The following LRRC7 variants were observed in gnomAD, a reference collection of about 807,000 sequenced individuals.
LRRC7 encodes leucine-rich repeat-containing protein 7.
Under a neutral mutation model 175.7 loss-of-function variants are expected in LRRC7, and 23 were observed. The ratio of observed to expected loss-of-function variants is 0.13; its 90% CI spans 0.09 to 0.19. The LOEUF is 0.19. Among genes scored for constraint, LRRC7 ranks in the 10% least tolerant of loss-of-function variants. The pLI, the probability that LRRC7 is intolerant of heterozygous loss-of-function variation, is 1.00. For missense variants in LRRC7, 1,354 were observed against 1,904.7 expected (o/e 0.71, Z 5.38); for synonymous variants, 685 against 680.9 (o/e 1.01, Z -0.09).
At chr1:69,907,449 T>C (rs1024713164) in intron 7 of LRRC7, among the ~76,000 whole-genome samples, 1 of 152,174 alleles carries the variant, frequency 6.6e-6, no homozygotes, top group Non-Finnish European at 1.5e-5. Context: ...ATACCTAATT[T>C]ATTGAGAGTT....
intron 25 of LRRC7, among the ~76,000 whole-genome samples, chr1:70,100,583 T>C (rs1664740112): frequency 6.6e-6 from 1 of 152,150 alleles, no homozygotes; most frequent in Non-Finnish European, 1.5e-5. Flanking sequence ...TAATATTTAC[T>C]TTTTTAAAAA....
At chr1:69,866,103 T>C (rs972505332) in intron 7 of LRRC7, among the ~76,000 whole-genome samples, 1 of 152,222 alleles carries the variant, frequency 6.6e-6, no homozygotes, top group Non-Finnish European at 1.5e-5. Flanking sequence ...TAGTATATTA[T>C]TATTTCTAAC....
intron 7 of LRRC7, among the ~76,000 whole-genome samples, chr1:69,928,810 C>G (rs1033195814): frequency 1.3e-5 from 2 of 152,170 alleles, no homozygotes; most frequent in Admixed American, 1.3e-4. Flanking sequence ...GTGCGCTGCG[C>G]CCACTGTCCT....
chr1:69,718,126 A>AGAGAGAG (rs1222860817), intron 2 of LRRC7, among the ~76,000 whole-genome samples: 7 of 32,264 alleles, frequency 2.2e-4, no homozygotes, highest in Admixed American at 5.9e-4. Context: ...AGAAAGAAAG[A>AGAGAGAG]AAAGAAAGAA....
rs544546011 is a variant in LRRC7, at chr1:69,986,253, G to C, written c.798G>C (p.Lys266Asn). The C allele has an allele frequency of 6.2e-7, 1 of 1,613,132 alleles. No individual in the cohort carries two copies. The highest frequency in any genetic ancestry group is 1.1e-5 in the South Asian group (1 of 91,020). Residue 266 changes from lysine to asparagine, a missense_variant, in exon 10 of 27, where the codon AAG becomes AAC. Lys to Asn is a moderately conservative substitution (Grantham distance 94, BLOSUM62 0). Transcript: ENST00000651989. ...GCAATGTCATCAAGTCTATAGGGAA[G>C]TTAAAGATGTTGGTATACCTGGATA... ...ALQVLPGSIGKLKMLVYLDMS... is the reference protein window; with the variant it reads ...ALQVLPGSIGNLKMLVYLDMS...
In LRRC7 at chr1:70,130,975, A is replaced by G. The variant is rs983755515; in HGVS notation, c.*9088A>G. Among the ~76,000 whole-genome samples, 2 of 152,210 alleles carry G rather than the reference A, an allele frequency of 1.3e-5. No individual in the cohort carries two copies. Among genetic ancestry groups the G allele is most frequent in the African/African-American group, 4.8e-5 (2 of 41,448 alleles). ...CACAGTTGAGCATGACAATGTTTAC[A>G]CACTGCATTTTGGCATCATTTCATG... On this transcript the variant is annotated 3_prime_UTR_variant, in exon 27 of 27. Coordinates refer to ENST00000651989, the MANE Select transcript of LRRC7 (RefSeq NM_001370785.2).
At chr1:70,061,049 C>T (rs1661539202) in intron 23 of LRRC7, among the ~76,000 whole-genome samples, 1 of 152,002 alleles carries the variant, frequency 6.6e-6, no homozygotes, top group Non-Finnish European at 1.5e-5. Context: ...TTTCCTGGTT[C>T]TCTTTCCCAA....
intron 4 of LRRC7, 43 bp downstream of exon 4, chr1:69,792,203 C>A: frequency 9.0e-7 from 1 of 1,110,850 alleles, no homozygotes; most frequent in Non-Finnish European, 1.3e-6. Context: ...AATTTTTTAA[C>A]TGAAAATGTG....
intron 1 of LRRC7, among the ~76,000 whole-genome samples, chr1:69,644,021 T>G (rs938904465): frequency 5.9e-5 from 9 of 152,180 alleles, no homozygotes; most frequent in Non-Finnish European, 1.2e-4. Flanking sequence ...ATGCAGTTAA[T>G]GCAATGCTTG....
Position 69,678,868 on chromosome 1 carries a change from G to A in LRRC7, c.100+390G>A, listed in dbSNP as rs577800946. Reference sequence around the variant, plus strand: ...TTTCCAGTTTCCATTTAGCCACAGGGCTCTTTTAACATTTTTTTTAACTGA... The same window carrying A: ...TTTCCAGTTTCCATTTAGCCACAGGACTCTTTTAACATTTTTTTTAACTGA... On this transcript the variant is annotated intron_variant, in intron 2 of 26. Coordinates refer to ENST00000651989, the MANE Select transcript of LRRC7 (RefSeq NM_001370785.2). Among the ~76,000 whole-genome samples the A allele has an allele frequency of 2.0e-5, 3 of 152,114 alleles. No homozygotes were observed. In the South Asian group the frequency reaches 6.2e-4, roughly 31 times the overall value.
rs143267672 is a variant in LRRC7, at chr1:69,967,887, A to C, written c.712-12492A>C. 3.4e-4 allele frequency among the ~76,000 whole-genome samples: 52 copies of C among 152,266 alleles called. No individual in the cohort carries two copies. The East Asian group carries it at 9.7e-3, about 28-fold the overall frequency. ...AAACCAACTCTGGTAATATGGCAAA[A>C]CAAGGTTTTTTAACACCCCCAAAAA... On this transcript the variant is annotated intron_variant, in intron 8 of 26. Coordinates refer to ENST00000651989, the MANE Select transcript of LRRC7 (RefSeq NM_001370785.2).
intron 2 of LRRC7, among the ~76,000 whole-genome samples, chr1:69,738,350 T>G (rs1164310134): frequency 6.6e-6 from 1 of 152,080 alleles, no homozygotes; most frequent in African/African-American, 2.4e-5. Context: ...ATCATCCTGT[T>G]TACCTGCGCC....
chr1:69,881,822 G>A (rs1424926573), intron 7 of LRRC7, among the ~76,000 whole-genome samples: 5 of 151,058 alleles, frequency 3.3e-5, no homozygotes, highest in Middle Eastern at 3.4e-3. Flanking sequence ...CAAGACTGCA[G>A]TGAGCCATGA....
At chr1:69,572,149 A>G (rs1645764134) in intron 1 of LRRC7, among the ~76,000 whole-genome samples, 1 of 152,116 alleles carries the variant, frequency 6.6e-6, no homozygotes, top group African/African-American at 2.4e-5. Flanking sequence ...TTTTATTGCC[A>G]CGGAAAGATA....
At chr1:70,000,272 T>A (rs1242538381) in intron 11 of LRRC7, among the ~76,000 whole-genome samples, 3 of 152,210 alleles carry the variant, frequency 2.0e-5, no homozygotes, top group Non-Finnish European at 2.9e-5. Context: ...ATTATAATAC[T>A]GTATTTTTAC....
At chr1:69,717,830 G>GAAA (rs1321787841) in intron 2 of LRRC7, among the ~76,000 whole-genome samples, 21 of 28,340 alleles carry the variant, frequency 7.4e-4, no homozygotes, top group East Asian at 6.0e-3. Flanking sequence ...AAGAAAGAAA[G>GAAA]AAAGAAAGAA....
chr1:69,787,963 G>A (rs1674678765), intron 3 of LRRC7, among the ~76,000 whole-genome samples: 1 of 150,816 alleles, frequency 6.6e-6, no homozygotes, highest in African/African-American at 2.4e-5. Flanking sequence ...CATCCCTCCT[G>A]CCTGCCTTCC....
chr1:69,940,896 C>T (rs1399026436), intron 8 of LRRC7, among the ~76,000 whole-genome samples: 2 of 151,876 alleles, frequency 1.3e-5, no homozygotes, highest in African/African-American at 4.8e-5. Context: ...GGTTTCACAA[C>T]AAACCAAAAC....
In LRRC7 at chr1:69,717,861, A is replaced by AG. The variant is rs1557641630; in HGVS notation, c.100+39384dup. On this transcript the variant is annotated intron_variant, in intron 2 of 26. Transcript: ENST00000651989. ...AAGAAAAAAGAAAGAAAGGAAAGAA[A>AG]GAAAGAAAGAAAGAAAGAGAGAAAA... is the stretch of plus-strand genomic sequence containing the variant. Among the ~76,000 whole-genome samples the AG allele has an allele frequency of 2.6e-4, 34 of 129,080 alleles. 3 individuals carry two copies. The highest frequency in any genetic ancestry group is 9.4e-4 in the African/African-American group (32 of 34,158). 84.7% of individuals were successfully genotyped at this position (129,080 alleles called of 152,430 possible).
Sources: allele counts gnomAD v4.1 joint callset (sites outside exome capture counted in the v4.1 genomes callset), GRCh38; gene constraint gnomAD v4.1.1; transcripts MANE v1.5; gene names NCBI Gene and HGNC (gene_info 2026-07-23, HGNC 2026-07-21).